FAM184B: variants seen among roughly 807,000 people sequenced by gnomAD.
The protein encoded by FAM184B is family with sequence similarity 184 member B, also known as protein FAM184B.
A neutral mutation model predicts 135.9 loss-of-function variants in FAM184B; 111 were observed. That is an observed-to-expected ratio of 0.82 (90% CI 0.70 to 0.96). The LOEUF (loss-of-function observed/expected upper bound fraction) is 0.96. Among genes scored for constraint, FAM184B ranks in the 40% least tolerant of loss-of-function variants. The probability of loss-of-function intolerance (pLI) is 0.00; values close to 1 mark genes in which losing one functional copy is unlikely to be tolerated. For synonymous variants in FAM184B, 552 were observed against 524.8 expected, an observed-to-expected ratio of 1.05 and a Z score of -0.71; for missense variants, 1,375 against 1,323.9, an observed-to-expected ratio of 1.04 and a Z score of -0.60.
intron 7 of FAM184B, among the ~76,000 whole-genome samples, chr4:17,684,045 G>A (rs1413785103): frequency 1.3e-5 from 2 of 149,938 alleles, no homozygotes; most frequent in East Asian, 1.9e-4. Flanking sequence ...TCCACCCTGG[G>A]TAGCAGAACA....
rs115292772 is a variant in FAM184B, at chr4:17,683,943, G to A, written c.1596+4481C>T. On this transcript the variant is annotated intron_variant, in intron 7 of 17. Transcript: ENST00000265018. ...ATTCAAAAATTAGCTGGGCATGGTC[G>A]TGGGCACCTGTAGTCCCAGCCACTC... Among the ~76,000 whole-genome samples, 421 of 151,658 alleles carry A rather than the reference G, an allele frequency of 2.8e-3. 3 individuals are homozygous for A. Among genetic ancestry groups the A allele is most frequent in the African/African-American group, 8.6e-3 (354 of 41,304 alleles).
intron 7 of FAM184B, among the ~76,000 whole-genome samples, chr4:17,668,946 G>T (rs1716113432): frequency 6.6e-6 from 1 of 152,220 alleles, no homozygotes; most frequent in Admixed American, 6.5e-5. Context: ...GCCTTGTACT[G>T]TTATAGGAGC....
chr4:17,709,126 C>G lies in FAM184B; in HGVS notation c.660G>C (p.Glu220Asp). ...TTTCCCTCTCGTAGGTGGCCTGCAG[C>G]TCCTCGGCCTTGCGGGCGTAGTCCT... ...LSKDYARKAE[E>D]LQATYERENE... Residue 220 changes from glutamate (E) to aspartate (D), a missense_variant, in exon 2 of 18, where the codon GAG (glutamate) becomes GAC (aspartate). Glu to Asp is a conservative substitution (Grantham distance 45, BLOSUM62 2). Transcript: ENST00000265018. The G allele has an allele frequency of 6.5e-7, 1 of 1,548,918 alleles. No individual in the cohort carries two copies. The highest frequency in any genetic ancestry group is 8.7e-7 in the Non-Finnish European group (1 of 1,146,974).
At chr4:17,775,793 A>G (rs1424137568) in intron 1 of FAM184B, among the ~76,000 whole-genome samples, 4 of 152,190 alleles carry the variant, frequency 2.6e-5, no homozygotes, top group Non-Finnish European at 5.9e-5. Context: ...GGAACTAAAT[A>G]ATGTGTACAC....
chr4:17,753,010 T>C (rs1289619967), intron 1 of FAM184B, among the ~76,000 whole-genome samples: 1 of 152,234 alleles, frequency 6.6e-6, no homozygotes, highest in Non-Finnish European at 1.5e-5. Context: ...CTTTCTTCAG[T>C]TAGCAATGTT....
At chr4:17,742,311 A>T (rs1311795437) in intron 1 of FAM184B, among the ~76,000 whole-genome samples, 1 of 151,894 alleles carries the variant, frequency 6.6e-6, no homozygotes, top group Admixed American at 6.6e-5. Context: ...TCTACAAAAA[A>T]TTTAAAAAAT....
At chr4:17,767,011 C>G (rs56376826) in intron 1 of FAM184B, among the ~76,000 whole-genome samples, 1 of 152,166 alleles carries the variant, frequency 6.6e-6, no homozygotes, top group African/African-American at 2.4e-5. Flanking sequence ...GCCAGCACTG[C>G]TGGGGGATCT....
At chr4:17,684,939 C>T (rs1462824254) in intron 7 of FAM184B, among the ~76,000 whole-genome samples, 2 of 152,100 alleles carry the variant, frequency 1.3e-5, no homozygotes, top group East Asian at 1.9e-4. Flanking sequence ...AACTAACACA[C>T]GAACAGAAAA....
chr4:17,756,731 C>T (rs1039095621), intron 1 of FAM184B, among the ~76,000 whole-genome samples: 7 of 152,238 alleles, frequency 4.6e-5, no homozygotes, highest in Non-Finnish European at 7.4e-5. Flanking sequence ...TTGAGATCAG[C>T]CTGGACAACA....
chr4:17,772,229 G>T (rs1718834328), intron 1 of FAM184B, among the ~76,000 whole-genome samples: 1 of 152,074 alleles, frequency 6.6e-6, no homozygotes, highest in African/African-American at 2.4e-5. Flanking sequence ...GAATAGAAAT[G>T]ATAATTATTT....
At chr4:17,739,555 G>GTTTTTGTTTTTTT (rs1553841421) in intron 1 of FAM184B, among the ~76,000 whole-genome samples, 3 of 62,510 alleles carry the variant, frequency 4.8e-5, no homozygotes, top group African/African-American at 1.8e-4. Flanking sequence ...CATACCAACT[G>GTTTTTGTTTTTTT]TTTTTTTTTT....
Position 17,642,304 on chromosome 4 carries a change from G to C in FAM184B, c.2347-76C>G, listed in dbSNP as rs1024281851. ...AGGCAGAAAGGGCCAGAGATGTGCT[G>C]CGGCGAGATGGAGACCCACTGGCAC... On this transcript the variant is annotated intron_variant, in intron 12 of 17. Coordinates refer to ENST00000265018, the MANE Select transcript of FAM184B (RefSeq NM_015688.2). 11 of 1,389,488 alleles carry C rather than the reference G, an allele frequency of 7.9e-6. 1 individual carries two copies. Among genetic ancestry groups the C allele is most frequent in the Middle Eastern group, 2.6e-4 (1 of 3,820 alleles). The allele number at this position is 1,389,488 out of a possible 1,614,324, so 86.1% of individuals were successfully genotyped here.
At position 17,664,677 on chromosome 4, in the gene FAM184B, AAAG is replaced by A. The variant is rs780676085; in HGVS notation, c.1597-21_1597-19del. 2 of 1,503,746 alleles carry A rather than the reference AAAG, an allele frequency of 1.3e-6. No individual in the cohort carries two copies. The highest frequency in any genetic ancestry group is 1.8e-6 in the Non-Finnish European group (2 of 1,124,100). 93.2% of individuals were successfully genotyped at this position (1,503,746 alleles called of 1,614,324 possible). A position where few individuals can be genotyped will look rare whatever the true frequency, so the allele number is the denominator to read the frequency against. On this transcript the variant is annotated intron_variant, in intron 7 of 17. Transcript: ENST00000265018. ...CATGGATCCTAAGGCCAAAAAAGAAAAAGAAAAAAAAAAAAAAGGCAAGATGAG... is the reference window on the plus strand; with the variant it reads ...CATGGATCCTAAGGCCAAAAAAGAAAAAAAAAAAAAAAAAGGCAAGATGAG...
intron 12 of FAM184B, among the ~76,000 whole-genome samples, chr4:17,647,209 C>T (rs535021355): frequency 2.7e-5 from 4 of 150,432 alleles, no homozygotes; most frequent in Admixed American, 2.7e-4. Flanking sequence ...TTCCCCACTT[C>T]GGGCAGGGGG....
chr4:17,723,212 G>A (rs116253804), intron 1 of FAM184B, among the ~76,000 whole-genome samples: 318 of 152,278 alleles, frequency 2.1e-3, no homozygotes, highest in African/African-American at 6.9e-3. Flanking sequence ...TTGAATGCTC[G>A]TTCTAACTGA....
At chr4:17,649,040 T>C (rs751581458) in intron 11 of FAM184B, among the ~76,000 whole-genome samples, 1 of 152,248 alleles carries the variant, frequency 6.6e-6, no homozygotes, top group Non-Finnish European at 1.5e-5. Context: ...TTTGAGACTC[T>C]GTATTTTAGT....
chr4:17,702,137 T>C (rs1717000626), intron 5 of FAM184B, among the ~76,000 whole-genome samples: 1 of 152,164 alleles, frequency 6.6e-6, no homozygotes, highest in Non-Finnish European at 1.5e-5. Flanking sequence ...GGGACATTAT[T>C]CCTGGCTGGG....
intron 7 of FAM184B, among the ~76,000 whole-genome samples, chr4:17,683,502 G>T (rs2108953883): frequency 6.6e-6 from 1 of 152,306 alleles, no homozygotes. Flanking sequence ...ATTTGTCCAA[G>T]ATTATCCAGC....
chr4:17,709,606 C>T lies in FAM184B; in HGVS notation c.180G>A (p.Glu60=). The change falls in exon 2 of 18, where the codon GAG becomes GAA. Residue 60 remains glutamate (E), a synonymous_variant. Transcript: ENST00000265018. ...CTTCCCGCAGCGCCTCCATGCTGGCCTCAGCCTCATCCTGGCGGGTGTTCA... is the reference window on the plus strand; with the variant it reads ...CTTCCCGCAGCGCCTCCATGCTGGCTTCAGCCTCATCCTGGCGGGTGTTCA... ...YALNTRQDEA[E]ASMEALREAH... is the part of the protein sequence containing the mutation. 1 of 1,534,516 alleles carries T rather than the reference C, an allele frequency of 6.5e-7. No individual in the cohort carries two copies. Among genetic ancestry groups the T allele is most frequent in the Non-Finnish European group, 8.8e-7 (1 of 1,141,098 alleles).
Sources: allele counts gnomAD v4.1 joint callset (sites outside exome capture counted in the v4.1 genomes callset), GRCh38; gene constraint gnomAD v4.1.1; transcripts MANE v1.5; gene names NCBI Gene and HGNC (gene_info 2026-07-23, HGNC 2026-07-21).